Variants in TENM2 observed in about 807,000 individuals in gnomAD.
TENM2 encodes teneurin-2.
A neutral mutation model predicts 245.2 loss-of-function variants in TENM2; 52 were observed. The ratio of observed to expected loss-of-function variants is 0.21; its 90% CI spans 0.17 to 0.27. TENM2 has a LOEUF of 0.27. Among genes scored for constraint, TENM2 ranks in the 10% least tolerant of loss-of-function variants. The pLI, the probability that TENM2 is intolerant of heterozygous loss-of-function variation, is 1.00. For missense variants in TENM2, 3,046 were observed against 3,666.8 expected (o/e 0.83, Z 4.37); for synonymous variants, 1,363 against 1,438.9 (o/e 0.95, Z 1.19).
intron 3 of TENM2, among the ~76,000 whole-genome samples, chr5:167,937,312 A>G (rs1040572927): frequency 2.6e-5 from 4 of 152,214 alleles, no homozygotes; most frequent in Non-Finnish European, 5.9e-5. Context: ...TTTAGTGACA[A>G]GGAATAAAGC....
chr5:167,993,157 G>C (rs1457187162), exon 5 of TENM2: 1 of 1,613,960 alleles, frequency 6.2e-7, no homozygotes, highest in Admixed American at 1.7e-5. Context: ...CCCTCCTCTT[G>C]GCTATTTTGC....
intron 2 of TENM2, among the ~76,000 whole-genome samples, chr5:167,517,731 G>A (rs1770476778): frequency 1.3e-5 from 2 of 152,068 alleles, no homozygotes; most frequent in African/African-American, 4.8e-5. Context: ...TTCTTCCCTT[G>A]CCTGGATCCT....
At chr5:167,102,238 A>G in the TENM2 span, among the ~76,000 whole-genome samples, 2 of 151,966 alleles carry the variant, frequency 1.3e-5, no homozygotes, top group African/African-American at 2.4e-5. Flanking sequence ...AAAACAAAAA[A>G]ATTAAACATT....
intron 2 of TENM2, among the ~76,000 whole-genome samples, chr5:167,872,409 AG>A (rs1204372873): frequency 1.3e-5 from 2 of 151,422 alleles, no homozygotes; most frequent in Non-Finnish European, 2.9e-5. Flanking sequence ...GAAGAAAAAA[AG>A]AGAAAGAGAG....
Position 168,229,258 on chromosome 5 carries a change from G to A in TENM2, c.5520+1128G>A, listed in dbSNP as rs1003701954. ...GCTAGAAAGGGCAATGCCAGGACTC[G>A]ATCCCACGTCTCTCTTTCTGTCTGA... On this transcript the variant is annotated intron_variant, in intron 25 of 28. Coordinates refer to ENST00000518659, the Ensembl canonical transcript of TENM2. Among the ~76,000 whole-genome samples, 24 of 107,044 alleles carry A rather than the reference G, an allele frequency of 2.2e-4. 1 individual carries two copies. The East Asian group carries it at 4.1e-3, about 18-fold the overall frequency. 70.2% of individuals were successfully genotyped at this position (107,044 alleles called of 152,430 possible).
At chr5:167,576,599 A>G (rs191359476) in intron 2 of TENM2, among the ~76,000 whole-genome samples, 4 of 152,324 alleles carry the variant, frequency 2.6e-5, no homozygotes, top group Admixed American at 2.0e-4. Context: ...ACTGCACATT[A>G]CTATTCAGAA....
At chr5:167,667,688 C>T (rs192423581) in intron 2 of TENM2, among the ~76,000 whole-genome samples, 1 of 152,170 alleles carries the variant, frequency 6.6e-6, no homozygotes, top group Admixed American at 6.5e-5. Context: ...GGAGAGGAGA[C>T]AGTCGTCTCA....
At chr5:168,193,606 C>T (rs1761138198) in intron 14 of TENM2, among the ~76,000 whole-genome samples, 2 of 152,162 alleles carry the variant, frequency 1.3e-5, no homozygotes, top group African/African-American at 4.8e-5. Context: ...TGGCACACTG[C>T]AAAGCCTTCT....
chr5:167,360,708 G>A (rs1449414367), intron 1 of TENM2, among the ~76,000 whole-genome samples: 2 of 152,074 alleles, frequency 1.3e-5, no homozygotes, highest in Non-Finnish European at 2.9e-5. Context: ...CCCTATTCTG[G>A]TTACACTGCT....
the TENM2 span, among the ~76,000 whole-genome samples, chr5:167,135,203 A>G: frequency 6.6e-6 from 1 of 152,168 alleles, no homozygotes; most frequent in African/African-American, 2.4e-5. Context: ...TATGACTGTC[A>G]CAACTGATCT....
chr5:167,901,375 A>T (rs1775693582), intron 3 of TENM2, among the ~76,000 whole-genome samples: 1 of 152,348 alleles, frequency 6.6e-6, no homozygotes, highest in East Asian at 1.9e-4. Flanking sequence ...AGATCATTAC[A>T]TATTTTTACA....
intron 2 of TENM2, among the ~76,000 whole-genome samples, chr5:167,734,988 A>C (rs558749381): frequency 6.6e-6 from 1 of 152,338 alleles, no homozygotes; most frequent in South Asian, 2.1e-4. Flanking sequence ...CAAATATCCA[A>C]GTATCTGGAT....
chr5:168,213,173 AAAG>A (rs1762915683), intron 20 of TENM2, among the ~76,000 whole-genome samples: 1 of 152,256 alleles, frequency 6.6e-6, no homozygotes, highest in Admixed American at 6.5e-5. Flanking sequence ...AATAGCCAAA[AAAG>A]AAGAAGAAAA....
intron 2 of TENM2, among the ~76,000 whole-genome samples, chr5:167,547,014 T>C (rs1390070577): frequency 1.3e-5 from 2 of 152,066 alleles, no homozygotes; most frequent in Admixed American, 6.5e-5. Flanking sequence ...AAGCACAGAG[T>C]TATTCCAGTG....
At chr5:167,079,768 C>G in the TENM2 span, among the ~76,000 whole-genome samples, 1 of 152,226 alleles carries the variant, frequency 6.6e-6, no homozygotes, top group African/African-American at 2.4e-5. Context: ...GAAATGTGTT[C>G]CTTTGATATA....
the TENM2 span, among the ~76,000 whole-genome samples, chr5:166,979,443 A>C: frequency 6.6e-6 from 1 of 152,048 alleles, no homozygotes; most frequent in Non-Finnish European, 1.5e-5. Flanking sequence ...TTTTGCTCCA[A>C]AGCGAGCTGG....
chr5:167,911,119 A>T (rs1005617584), intron 3 of TENM2, among the ~76,000 whole-genome samples: 4 of 152,182 alleles, frequency 2.6e-5, no homozygotes, highest in Non-Finnish European at 4.4e-5. Flanking sequence ...GTAAGGTACA[A>T]TCATATCATG....
At chr5:167,385,241 C>G (rs1002121764) in intron 2 of TENM2, among the ~76,000 whole-genome samples, 1 of 151,866 alleles carries the variant, frequency 6.6e-6, no homozygotes, top group South Asian at 2.1e-4. Flanking sequence ...ATATCCTTGC[C>G]GCTTCTTCAT....
chr5:167,570,297 T>C (rs1007565312), intron 2 of TENM2, among the ~76,000 whole-genome samples: 4 of 152,052 alleles, frequency 2.6e-5, no homozygotes, highest in Non-Finnish European at 2.9e-5. Context: ...ATACATAAGA[T>C]AATGAAATAA....
Sources: allele counts gnomAD v4.1 joint callset (sites outside exome capture counted in the v4.1 genomes callset), GRCh38; gene constraint gnomAD v4.1.1; transcripts MANE v1.5; gene names NCBI Gene and HGNC (gene_info 2026-07-23, HGNC 2026-07-21).